Variants in NRG1 observed in about 807,000 individuals in gnomAD.
NRG1 encodes pro-neuregulin-1, membrane-bound isoform.
Under a neutral mutation model 63.8 loss-of-function variants are expected in NRG1, and 18 were observed. The observed-to-expected ratio is 0.28, with a 90% CI of 0.19 to 0.42. NRG1 has a LOEUF of 0.42. NRG1 is among the 10% of genes least tolerant of loss of function. NRG1 has a pLI of 1.00. For missense variants in NRG1, 762 were observed against 814.7 expected, an observed-to-expected ratio of 0.94 and a Z score of 0.79; for synonymous variants, 302 against 301.3, an observed-to-expected ratio of 1.00 and a Z score of -0.02.
intron 1 of NRG1, among the ~76,000 whole-genome samples, chr8:32,247,229 A>G (rs1291936004): frequency 6.6e-6 from 1 of 152,096 alleles, no homozygotes; most frequent in Non-Finnish European, 1.5e-5. Context: ...GTGCTCTCTA[A>G]TAACAGGGCA....
chr8:32,099,161 C>T (rs555520809), intron 1 of NRG1, among the ~76,000 whole-genome samples: 56 of 152,188 alleles, frequency 3.7e-4, no homozygotes, highest in African/African-American at 1.3e-3. Context: ...TATGGGATGG[C>T]GCTTGTGCTG....
intron 1 of NRG1, among the ~76,000 whole-genome samples, chr8:31,864,353 A>G (rs1828755275): frequency 6.6e-6 from 1 of 152,142 alleles, no homozygotes; most frequent in African/African-American, 2.4e-5. Flanking sequence ...CAAGACATTT[A>G]TACTCACCAA....
intron 1 of NRG1, among the ~76,000 whole-genome samples, chr8:32,032,290 T>TCA (rs1450389592): frequency 1.3e-5 from 2 of 152,106 alleles, no homozygotes; most frequent in Non-Finnish European, 1.5e-5. Flanking sequence ...AGACAAAGTC[T>TCA]CACAGTGTCG....
In NRG1 at chr8:32,762,059, A is replaced by AAACAAAC. The variant is rs1162893361; in HGVS notation, c.1259+1654_1259+1655insACAAACA. 9.1e-3 allele frequency among the ~76,000 whole-genome samples: 1,351 copies of AAACAAAC among 148,040 alleles called. 27 individuals are homozygous for AAACAAAC. The highest frequency in any genetic ancestry group is 0.034 in the African/African-American group (1,287 of 38,178). ...GCCTCAAAAAAAAAAAAAAAAAAAA[A>AAACAAAC]ACATTCTGGACTTGCAAGCCTGTTG... is the stretch of plus-strand genomic sequence containing the variant. On this transcript the variant is annotated intron_variant, in intron 11 of 11. Coordinates refer to ENST00000356819, the Ensembl canonical transcript of NRG1.
chr8:31,766,383 A>G (rs1216396684), intron 1 of NRG1, among the ~76,000 whole-genome samples: 4 of 152,136 alleles, frequency 2.6e-5, no homozygotes, highest in Non-Finnish European at 4.4e-5. Context: ...GAAAGGAACA[A>G]TGACTTCTTT....
At position 32,663,924 on chromosome 8, in the gene NRG1, T is replaced by C. The variant is rs185167228; in HGVS notation, c.502+47039T>C. ...TCCACTCTTCTTTAGAGACATTTCC[T>C]ATACTCTGTGGTCATCATTAAACTT... On this transcript the variant is annotated intron_variant, in intron 5 of 11. Transcript: ENST00000356819. 6.6e-5 allele frequency among the ~76,000 whole-genome samples: 10 copies of C among 152,312 alleles called. No homozygotes were observed. In the East Asian group the frequency reaches 1.3e-3, roughly 21 times the overall value.
chr8:32,226,779 G>C (rs1346113323), intron 1 of NRG1, among the ~76,000 whole-genome samples: 1 of 152,092 alleles, frequency 6.6e-6, no homozygotes, highest in East Asian at 1.9e-4. Flanking sequence ...TTGTCATCTG[G>C]CTGCACTGTA....
At position 32,193,559 on chromosome 8, in the gene NRG1, G is replaced by T. The variant is rs529548743; in HGVS notation, c.38-402269G>T. 3.3e-5 allele frequency among the ~76,000 whole-genome samples: 5 copies of T among 152,174 alleles called. No homozygotes were observed. In the South Asian group the frequency reaches 1.0e-3, roughly 32 times the overall value. ...ATTCAGAAAAGCACGTTAAACCATC[G>T]TCAGCAGCATGTGATTGCAGAACAA... On this transcript the variant is annotated intron_variant, in intron 1 of 10. Transcript: ENST00000519301.
At chr8:32,061,433 C>T (rs568283801) in intron 1 of NRG1, among the ~76,000 whole-genome samples, 1 of 151,952 alleles carries the variant, frequency 6.6e-6, no homozygotes, top group East Asian at 1.9e-4. Context: ...TCTGAGCTTC[C>T]TTTACCTACC....
chr8:31,677,791 G>A (rs1351070363), intron 1 of NRG1, among the ~76,000 whole-genome samples: 1 of 152,040 alleles, frequency 6.6e-6, no homozygotes, highest in Non-Finnish European at 1.5e-5. Context: ...TTCAATCCTG[G>A]TGATTTATTT....
At chr8:31,766,281 A>G (rs1442278867) in intron 1 of NRG1, among the ~76,000 whole-genome samples, 1 of 152,310 alleles carries the variant, frequency 6.6e-6, no homozygotes. Flanking sequence ...GTTAAAAAAG[A>G]TCCCCTGAGT....
intron 1 of NRG1, among the ~76,000 whole-genome samples, chr8:31,912,709 T>TTC (rs1833051908): frequency 6.6e-6 from 1 of 151,972 alleles, no homozygotes; most frequent in African/African-American, 2.4e-5. Flanking sequence ...CATTATGTAG[T>TTC]TCCGTCTCTT....
At chr8:31,720,140 T>C (rs1054221173) in intron 1 of NRG1, among the ~76,000 whole-genome samples, 2 of 152,210 alleles carry the variant, frequency 1.3e-5, no homozygotes, top group Non-Finnish European at 2.9e-5. Flanking sequence ...TATGATAGCA[T>C]GTATGAAAAT....
At chr8:31,843,595 G>C (rs536290333) in intron 1 of NRG1, among the ~76,000 whole-genome samples, 125 of 152,170 alleles carry the variant, frequency 8.2e-4, no homozygotes, top group Non-Finnish European at 1.3e-3. Flanking sequence ...TATAGAGTTT[G>C]GGGGAGGGCT....
At chr8:32,201,042 T>C (rs890847008) in intron 1 of NRG1, among the ~76,000 whole-genome samples, 35 of 152,184 alleles carry the variant, frequency 2.3e-4, no homozygotes, top group African/African-American at 7.5e-4. Flanking sequence ...TGAGCCTTTC[T>C]TAGGTATATT....
At position 32,754,437 on chromosome 8, in the gene NRG1, G is replaced by T. The variant is rs772295508; in HGVS notation, c.757G>T (p.Val253Phe). 9 of 1,613,866 alleles carry T rather than the reference G, an allele frequency of 5.6e-6. No individual in the cohort carries two copies. In the South Asian group the frequency reaches 9.9e-5, roughly 18 times the overall value. ...CGGCATCTGCATCGCCCTCCTTGTG[G>T]TCGGCATCATGTGTGTGGTGGCCTA... Residue 253 changes from valine (V) to phenylalanine (F), a missense_variant, in exon 8 of 12, where the codon GTC (valine) becomes TTC (phenylalanine). Coordinates refer to ENST00000356819, the Ensembl canonical transcript of NRG1.
chr8:32,072,332 C>CT (rs1415327904), intron 1 of NRG1, among the ~76,000 whole-genome samples: 8 of 151,416 alleles, frequency 5.3e-5, no homozygotes, highest in Non-Finnish European at 1.5e-5. Context: ...ATTCTGTTCC[C>CT]TTTTGGGCCT....
At chr8:32,576,620 C>T (rs1839683716) in intron 1 of NRG1, among the ~76,000 whole-genome samples, 1 of 151,980 alleles carries the variant, frequency 6.6e-6, no homozygotes, top group Admixed American at 6.6e-5. Context: ...TCTGTAAATG[C>T]CATATAACTT....
chr8:32,552,608 A>G (rs180684222), intron 1 of NRG1, among the ~76,000 whole-genome samples: 52 of 152,326 alleles, frequency 3.4e-4, no homozygotes, highest in Non-Finnish European at 6.8e-4. Context: ...GCCTGTGTTT[A>G]CAGAACAAGA....
Sources: allele counts gnomAD v4.1 joint callset (sites outside exome capture counted in the v4.1 genomes callset), GRCh38; gene constraint gnomAD v4.1.1; transcripts MANE v1.5; gene names NCBI Gene and HGNC (gene_info 2026-07-23, HGNC 2026-07-21).